Variants in L3MBTL4 observed in about 807,000 individuals in gnomAD.
The protein encoded by L3MBTL4 is lethal(3)malignant brain tumor-like protein 4.
L3MBTL4 carries 70 observed loss-of-function variants against 84.5 expected under a neutral mutation model. That is an observed-to-expected ratio of 0.83 (90% CI 0.68 to 1.01). The LOEUF (loss-of-function observed/expected upper bound fraction) is 1.01, where lower values mean the gene tolerates loss of function less well. Among genes scored for constraint, L3MBTL4 ranks in the 50% least tolerant of loss-of-function variants. L3MBTL4 has a pLI of 0.00. For missense variants in L3MBTL4, 715 were observed against 754.8 expected, an observed-to-expected ratio of 0.95 and a Z score of 0.62; for synonymous variants, 274 against 259.8, an observed-to-expected ratio of 1.05 and a Z score of -0.52.
chr18:6,045,858 C>T (rs1470934973), intron 16 of L3MBTL4, among the ~76,000 whole-genome samples: 1 of 152,192 alleles, frequency 6.6e-6, no homozygotes, highest in Non-Finnish European at 1.5e-5. Context: ...CTAACAACTT[C>T]GCAGTAGGAT....
At chr18:5,965,553 T>C (rs1046117562) in intron 17 of L3MBTL4, among the ~76,000 whole-genome samples, 1 of 152,238 alleles carries the variant, frequency 6.6e-6, no homozygotes, top group East Asian at 1.9e-4. Flanking sequence ...GCCATTCACA[T>C]CATTGCTGCC....
chr18:5,965,417 G>A (rs1368385229), intron 17 of L3MBTL4, among the ~76,000 whole-genome samples: 2 of 152,136 alleles, frequency 1.3e-5, no homozygotes, highest in East Asian at 1.9e-4. Flanking sequence ...AAGTCTTCCC[G>A]AAGGATGCCC....
chr18:6,261,909 G>A (rs1399975030), intron 5 of L3MBTL4, among the ~76,000 whole-genome samples: 3 of 152,146 alleles, frequency 2.0e-5, no homozygotes, highest in Admixed American at 6.5e-5. Context: ...TCCTTGCTCT[G>A]AAAATTAGTC....
intron 10 of L3MBTL4, among the ~76,000 whole-genome samples, chr18:6,217,549 C>T (rs1239682100): frequency 6.6e-6 from 1 of 152,030 alleles, no homozygotes; most frequent in Non-Finnish European, 1.5e-5. Context: ...TGGGTGGTTT[C>T]CATTTGGGAG....
chr18:6,298,287 A>G (rs2050188729), intron 4 of L3MBTL4, among the ~76,000 whole-genome samples: 1 of 152,180 alleles, frequency 6.6e-6, no homozygotes, highest in African/African-American at 2.4e-5. Context: ...GAGACTAAAT[A>G]TTTTTAATAT....
chr18:6,300,078 A>T (rs1413817630), intron 4 of L3MBTL4, among the ~76,000 whole-genome samples: 1 of 152,188 alleles, frequency 6.6e-6, no homozygotes, highest in African/African-American at 2.4e-5. Context: ...TTTCTAAGAC[A>T]TGAGGTAAGA....
At chr18:6,240,055 T>C (rs1298660382) in intron 8 of L3MBTL4, among the ~76,000 whole-genome samples, 183 bp from the exon 9 acceptor site, 1 of 152,234 alleles carries the variant, frequency 6.6e-6, no homozygotes, top group Non-Finnish European at 1.5e-5. Flanking sequence ...TTTATATTCA[T>C]AACAAAGGCC....
intron 18 of L3MBTL4, among the ~76,000 whole-genome samples, chr18:5,956,679 A>C (rs1020552981): frequency 6.6e-6 from 1 of 152,246 alleles, no homozygotes; most frequent in Non-Finnish European, 1.5e-5. Flanking sequence ...TTGTCTTTTA[A>C]AAAGGTTGGC....
intron 14 of L3MBTL4, among the ~76,000 whole-genome samples, chr18:6,121,722 G>GTA (rs370204046): frequency 0.18 from 25,459 of 142,594 alleles, 2,292 homozygotes; most frequent in East Asian, 0.44. Flanking sequence ...GTGTGTGTAT[G>GTA]TGTGTGTGCA....
At chr18:6,119,390 G>T (rs1423088578) in intron 14 of L3MBTL4, among the ~76,000 whole-genome samples, 1 of 152,204 alleles carries the variant, frequency 6.6e-6, no homozygotes, top group Non-Finnish European at 1.5e-5. Context: ...TGCCCAGGAT[G>T]TAACATCAGT....
chr18:6,373,162 G>A (rs2054227090), intron 1 of L3MBTL4, among the ~76,000 whole-genome samples: 1 of 152,144 alleles, frequency 6.6e-6, no homozygotes, highest in South Asian at 2.1e-4. Context: ...GCACCATGAA[G>A]ATGTGACTCT....
chr18:6,199,537 T>C (rs1242912713), intron 12 of L3MBTL4, among the ~76,000 whole-genome samples: 1 of 152,136 alleles, frequency 6.6e-6, no homozygotes, highest in East Asian at 1.9e-4. Flanking sequence ...CAGTAGTACA[T>C]ATAAGTAGAA....
intron 16 of L3MBTL4, among the ~76,000 whole-genome samples, chr18:6,041,472 T>C (rs2056396866): frequency 6.6e-6 from 1 of 151,690 alleles, no homozygotes; most frequent in African/African-American, 2.4e-5. Flanking sequence ...CTTTTTTTTT[T>C]TTTTTTTTGT....
intron 3 of L3MBTL4, among the ~76,000 whole-genome samples, chr18:6,308,748 GCTGT>G (rs1005145427): frequency 2.0e-5 from 3 of 152,140 alleles, no homozygotes; most frequent in African/African-American, 7.2e-5. Flanking sequence ...GGAATTTTTA[GCTGT>G]CTTTTTTTTT....
intron 1 of L3MBTL4, among the ~76,000 whole-genome samples, chr18:6,412,515 T>C (rs1045485677): frequency 2.0e-5 from 3 of 152,108 alleles, no homozygotes; most frequent in African/African-American, 7.2e-5. Flanking sequence ...TGGGTGCTGG[T>C]GCTTCCTACG....
At chr18:6,240,783 A>G (rs2047418767) in intron 8 of L3MBTL4, among the ~76,000 whole-genome samples, 1 of 152,224 alleles carries the variant, frequency 6.6e-6, no homozygotes, top group Non-Finnish European at 1.5e-5. Flanking sequence ...TGTCTGGAGA[A>G]ATTCAGTGAG....
chr18:6,300,593 C>G (rs1280568861), intron 4 of L3MBTL4, among the ~76,000 whole-genome samples: 1 of 152,144 alleles, frequency 6.6e-6, no homozygotes, highest in Middle Eastern at 3.2e-3. Context: ...ACCGTAAATA[C>G]TAAATCAGTA....
intron 12 of L3MBTL4, among the ~76,000 whole-genome samples, chr18:6,182,460 T>C (rs1230888996): frequency 2.6e-5 from 4 of 152,222 alleles, no homozygotes; most frequent in Non-Finnish European, 4.4e-5. Context: ...GATGCATAGT[T>C]TGCAAATATT....
Position 6,238,607 on chromosome 18 carries a change from T to G in L3MBTL4, c.708-567A>C, listed in dbSNP as rs568664119. Among the ~76,000 whole-genome samples, 7 of 151,724 alleles carry G rather than the reference T, an allele frequency of 4.6e-5. No homozygotes were observed. The East Asian group carries it at 1.4e-3, about 30-fold the overall frequency. On this transcript the variant is annotated intron_variant, in intron 9 of 18. Coordinates refer to ENST00000317931, the MANE Select transcript of L3MBTL4 (RefSeq NM_001330559.2). ...GCTGCCAGTGATGTTCCCAAAAAAG[T>G]GAGTGAGCATTTTAATAAACTTCTA...
Sources: allele counts gnomAD v4.1 joint callset (sites outside exome capture counted in the v4.1 genomes callset), GRCh38; gene constraint gnomAD v4.1.1; transcripts MANE v1.5; gene names NCBI Gene and HGNC (gene_info 2026-07-23, HGNC 2026-07-21).